Variants in TEK observed in about 807,000 individuals in gnomAD.
TEK encodes the protein TEK receptor tyrosine kinase.
Under a neutral mutation model 131.8 loss-of-function variants are expected in TEK, and 43 were observed. The observed-to-expected ratio is 0.33, with a 90% confidence interval of 0.26 to 0.42. The LOEUF (loss-of-function observed/expected upper bound fraction) is 0.42, where lower values mean the gene tolerates loss of function less well. Among genes scored for constraint, TEK ranks in the 10% least tolerant of loss-of-function variants. The pLI is 1.00. For synonymous variants in TEK, 580 were observed against 491.6 expected (o/e 1.18, Z -2.38); for missense variants, 1,162 against 1,384.4 (o/e 0.84, Z 2.55).
intron 3 of TEK, 92 bp from the exon 4 acceptor site, chr9:27,169,385 T>C (rs998930299): frequency 4.0e-5 from 62 of 1,552,834 alleles, no homozygotes; most frequent in South Asian, 1.1e-5. Context: ...TTCTTGACCA[T>C]GTCAGGGAAA....
intron 19 of TEK, 96 bp downstream of exon 19, chr9:27,217,854 C>T: frequency 9.7e-7 from 1 of 1,028,180 alleles, no homozygotes. Context: ...TGTCCTGTAG[C>T]TCTCGGGAAC....
rs552868859 is a variant in TEK, at chr9:27,146,990, A to T, written c.53-10841A>T. ...GTGATCTGCCCGCCTCGGCCTCCCA[A>T]AGTGCTGGGATTACAGGCGTGAGAC... On this transcript the variant is annotated intron_variant, in intron 1 of 22. Coordinates refer to ENST00000380036, the MANE Select transcript of TEK (RefSeq NM_000459.5). 5.9e-5 allele frequency among the ~76,000 whole-genome samples: 9 copies of T among 152,178 alleles called. No individual in the cohort carries two copies. The South Asian group carries it at 1.9e-3, about 32-fold the overall frequency.
At chr9:27,192,770 A>C in intron 11 of TEK, 147 bp downstream of exon 11, 1 of 830,270 alleles carries the variant, frequency 1.2e-6, no homozygotes, top group Non-Finnish European at 2.0e-6. Context: ...ATGGGTGGGA[A>C]AGTGACAGGA....
intron 9 of TEK, among the ~76,000 whole-genome samples, chr9:27,188,904 G>A (rs192668607): frequency 1.3e-5 from 2 of 152,090 alleles, no homozygotes; most frequent in Non-Finnish European, 2.9e-5. Context: ...AGCAGAAATG[G>A]GGGTAGAGAA....
At chr9:27,215,820 C>T (rs1436078232) in intron 18 of TEK, among the ~76,000 whole-genome samples, 3 of 152,066 alleles carry the variant, frequency 2.0e-5, no homozygotes, top group Non-Finnish European at 2.9e-5. Context: ...GCAAGGAAAG[C>T]ATAGATGCTA....
intron 21 of TEK, among the ~76,000 whole-genome samples, chr9:27,220,597 G>A (rs1355244091): frequency 1.3e-5 from 2 of 152,204 alleles, no homozygotes; most frequent in Non-Finnish European, 2.9e-5. Flanking sequence ...ATTTCCAACT[G>A]AGGTACCCGG....
intron 1 of TEK, among the ~76,000 whole-genome samples, chr9:27,120,678 A>G (rs1421432268): frequency 6.6e-6 from 1 of 152,220 alleles, no homozygotes; most frequent in African/African-American, 2.4e-5. Context: ...CCCTTTGTTC[A>G]AGGGTTATGT....
At chr9:27,122,087 C>G (rs1387774480) in intron 1 of TEK, among the ~76,000 whole-genome samples, 1 of 152,186 alleles carries the variant, frequency 6.6e-6, no homozygotes, top group Non-Finnish European at 1.5e-5. Context: ...AACGAGCAGG[C>G]AATGCCCGTC....
chr9:27,190,248 C>A (rs936535890), intron 9 of TEK, among the ~76,000 whole-genome samples: 6 of 152,008 alleles, frequency 3.9e-5, no homozygotes, highest in Non-Finnish European at 4.4e-5. Context: ...CCTGGCTGGT[C>A]ACGATATGAA....
Position 27,204,553 on chromosome 9 carries a change from ACT to A in TEK, c.2210-352_2210-351del, listed in dbSNP as rs1315247290. Reference sequence around the variant, plus strand: ...AATTGAGGTTTAGGGAGGTTTAGTCACTCTCTCAAAGTTATACCTGTAGTAAT... The same window carrying A: ...AATTGAGGTTTAGGGAGGTTTAGTCACTCTCAAAGTTATACCTGTAGTAAT... On this transcript the variant is annotated intron_variant, in intron 13 of 22. Transcript: ENST00000380036. Among the ~76,000 whole-genome samples the A allele has an allele frequency of 2.0e-5, 3 of 152,100 alleles. No homozygotes were observed. In the East Asian group the frequency reaches 5.8e-4, roughly 29 times the overall value.
chr9:27,167,946 A>T (rs1564072127), intron 2 of TEK, among the ~76,000 whole-genome samples: 1 of 151,996 alleles, frequency 6.6e-6, no homozygotes, highest in Non-Finnish European at 1.5e-5. Flanking sequence ...TAGTATCAGG[A>T]CTTAGTTTGA....
rs1443765752 is a variant in TEK, at chr9:27,203,043, C to T, written c.2133C>T (p.Asp711=). 6.2e-7 allele frequency: 1 copy of T among 1,614,132 alleles called. No homozygotes were observed. Among genetic ancestry groups the T allele is most frequent in the Non-Finnish European group, 8.5e-7 (1 of 1,179,994 alleles). Residue 711 remains aspartate, a synonymous_variant, in exon 13 of 23, where the codon GAC becomes GAT. Coordinates refer to ENST00000380036, the MANE Select transcript of TEK (RefSeq NM_000459.5). ...AGCCTGAAACAGCATACCAGGTGGA[C>T]ATTTTTGCAGAGAACAACATAGGGT... ...GLEPETAYQV[D]IFAENNIGSS...
chr9:27,204,273 A>G lies in TEK; in HGVS notation c.2210-638A>G, dbSNP rs180793233. Among the ~76,000 whole-genome samples, 236 of 152,342 alleles carry G rather than the reference A, an allele frequency of 1.5e-3. 3 individuals carry two copies. The highest frequency in any genetic ancestry group is 9.0e-4 in the Non-Finnish European group (61 of 68,022). ...TATGTGCTATTGCTAATAAAAATAT[A>G]TCGAGTTTAATTTTATTTAAATAAG... On this transcript the variant is annotated intron_variant, in intron 13 of 22. Transcript: ENST00000380036.
At chr9:27,139,589 G>T (rs150457939) in intron 1 of TEK, among the ~76,000 whole-genome samples, 3 of 151,994 alleles carry the variant, frequency 2.0e-5, no homozygotes, top group Non-Finnish European at 4.4e-5. Flanking sequence ...CTCCCAAAGT[G>T]CTGGGATTAC....
intron 1 of TEK, among the ~76,000 whole-genome samples, chr9:27,119,061 A>G (rs1337904618): frequency 6.6e-6 from 1 of 152,154 alleles, no homozygotes; most frequent in Non-Finnish European, 1.5e-5. Context: ...CAGTTCTGTG[A>G]GCTAGTTTCT....
At chr9:27,172,106 C>G (rs1375118980) in intron 4 of TEK, among the ~76,000 whole-genome samples, 1 of 152,204 alleles carries the variant, frequency 6.6e-6, no homozygotes, top group African/African-American at 2.4e-5. Flanking sequence ...TACGCCACTT[C>G]TAGAATTTCT....
intron 7 of TEK, among the ~76,000 whole-genome samples, chr9:27,182,104 C>T (rs903133387): frequency 7.9e-5 from 12 of 152,148 alleles, no homozygotes; most frequent in African/African-American, 2.7e-4. Context: ...TTGTATTGAA[C>T]GTGGGCAGCT....
chr9:27,225,373 T>C (rs1434828915), intron 21 of TEK, among the ~76,000 whole-genome samples: 2 of 152,128 alleles, frequency 1.3e-5, no homozygotes, highest in African/African-American at 2.4e-5. Context: ...AACAGGATGG[T>C]ACTGGTACTA....
At chr9:27,211,337 C>T (rs893562415) in intron 16 of TEK, among the ~76,000 whole-genome samples, 2 of 149,580 alleles carry the variant, frequency 1.3e-5, no homozygotes, top group African/African-American at 4.9e-5. Flanking sequence ...CACATGTATA[C>T]CATAATTTAG....
Sources: gnomAD v4.1 joint callset for allele counts (sites outside exome capture counted in the v4.1 genomes callset) on GRCh38, gnomAD v4.1.1 for gene constraint, MANE v1.5 for transcripts, NCBI Gene and HGNC (gene_info 2026-07-23, HGNC 2026-07-21) for gene names.